Variants in TOX2 observed in about 807,000 individuals in gnomAD.
TOX2 encodes the protein granulosa cell HMG box 1.
Under a neutral mutation model 47.4 loss-of-function variants are expected in TOX2, and 15 were observed. The observed-to-expected ratio is 0.32, with a 90% CI of 0.21 to 0.49. The LOEUF is 0.49. TOX2 is among the 20% of genes least tolerant of loss of function. The pLI is 0.99. For synonymous variants in TOX2, 290 were observed against 296.6 expected, an observed-to-expected ratio of 0.98 and a Z score of 0.23; for missense variants, 622 against 673.1, an observed-to-expected ratio of 0.92 and a Z score of 0.84.
intron 3 of TOX2, 47 bp downstream of exon 3, chr20:44,006,839 G>A: frequency 6.3e-7 from 1 of 1,587,292 alleles, no homozygotes; most frequent in Non-Finnish European, 8.6e-7. Context: ...ACAGCAGGGA[G>A]GGGGTTGAGA....
intron 1 of TOX2, among the ~76,000 whole-genome samples, chr20:43,937,236 C>T (rs2069338008): frequency 6.6e-6 from 1 of 152,150 alleles, no homozygotes; most frequent in South Asian, 2.1e-4. Context: ...CACTTGACCA[C>T]TCCAAGAAAG....
intron 1 of TOX2, among the ~76,000 whole-genome samples, chr20:43,932,322 G>C (rs890391658): frequency 6.6e-6 from 1 of 152,134 alleles, no homozygotes; most frequent in African/African-American, 2.4e-5. Flanking sequence ...TTAGGGTCTA[G>C]CATGTGGACC....
At chr20:43,929,330 C>T (rs1003288213) in intron 1 of TOX2, among the ~76,000 whole-genome samples, 3 of 152,214 alleles carry the variant, frequency 2.0e-5, no homozygotes, top group African/African-American at 7.2e-5. Context: ...ACATCCAACT[C>T]CTTTGGCCCA....
chr20:44,064,216 A>G (rs1248598522), intron 5 of TOX2, among the ~76,000 whole-genome samples: 3 of 152,304 alleles, frequency 2.0e-5, no homozygotes, highest in Admixed American at 2.0e-4. Context: ...TGCTTGTCTT[A>G]TTGGCCAACA....
rs59829203 is a variant in TOX2 at position 43,951,707 on chromosome 20, GTTTT to G, written c.100-21642_100-21639del. Among the ~76,000 whole-genome samples, 16 of 55,094 alleles carry G rather than the reference GTTTT, an allele frequency of 2.9e-4. 1 individual carries two copies. The highest frequency in any genetic ancestry group is 1.6e-3 in the East Asian group (3 of 1,890). The allele number at this position is 55,094 out of a possible 152,430, so 36.1% of individuals were successfully genotyped here. The stretch of plus-strand genomic sequence containing the variant: ...TGACCATTACTATTAAACTTATTAT[GTTTT>G]TTTTTTTTTTTTTTTTTAGAGAAAG... On this transcript the variant is annotated intron_variant, in intron 1 of 8. Transcript: ENST00000341197.
At chr20:43,947,002 G>C (rs1180901693) in intron 1 of TOX2, among the ~76,000 whole-genome samples, 1 of 152,218 alleles carries the variant, frequency 6.6e-6, no homozygotes, top group Non-Finnish European at 1.5e-5. Flanking sequence ...GGGTGAACTG[G>C]GAGAGACCAG....
At chr20:43,989,894 G>T (rs759305736) in intron 2 of TOX2, among the ~76,000 whole-genome samples, 2 of 152,158 alleles carry the variant, frequency 1.3e-5, no homozygotes, top group Non-Finnish European at 2.9e-5. Context: ...CTTGGAGGCT[G>T]TGCTCAATGT....
At chr20:43,989,701 A>G (rs1214698971) in intron 2 of TOX2, among the ~76,000 whole-genome samples, 2 of 151,644 alleles carry the variant, frequency 1.3e-5, no homozygotes, top group Admixed American at 6.6e-5. Flanking sequence ...AATCACTTGA[A>G]TCCGGGAGGT....
At chr20:44,039,308 G>A (rs1305584948) in intron 3 of TOX2, 2 of 1,289,010 alleles carry the variant, frequency 1.6e-6, no homozygotes, top group Admixed American at 2.3e-5. Context: ...GGAGCTCTGG[G>A]AAGGGGCTGG....
chr20:43,975,784 A>T (rs979005622), intron 2 of TOX2, among the ~76,000 whole-genome samples: 3 of 151,904 alleles, frequency 2.0e-5, no homozygotes, highest in African/African-American at 7.3e-5. Flanking sequence ...TCCACCCTAA[A>T]CTGTGACCAC....
chr20:44,037,890 CA>C (rs1195050684), intron 3 of TOX2, among the ~76,000 whole-genome samples: 3 of 152,046 alleles, frequency 2.0e-5, no homozygotes, highest in African/African-American at 7.2e-5. Flanking sequence ...GGGTAACAGG[CA>C]GAGGTTGGAA....
chr20:44,066,838 T>C lies in TOX2; in HGVS notation c.1465T>C (p.Cys489Arg), dbSNP rs775401631. 103 of 1,613,812 alleles carry C rather than the reference T, an allele frequency of 6.4e-5. No individual in the cohort carries two copies. In the Admixed American group the frequency reaches 8.2e-4, roughly 13 times the overall value. Residue 489 changes from cysteine (C) to arginine (R), a missense_variant, in exon 8 of 9, where the codon TGT (cysteine) becomes CGT (arginine). By Grantham distance (180) the Cys-to-Arg change is radical. Coordinates refer to ENST00000341197, the MANE Select transcript of TOX2 (RefSeq NM_001098797.2). ...DWDSSYPSGE[C>R]GISTCSLLPR... ...GGACAGCAGCTACCCCAGTGGGGAGTGTGGCATCAGCACCTGCAGGTTAGT... is the reference window on the plus strand; with the variant it reads ...GGACAGCAGCTACCCCAGTGGGGAGCGTGGCATCAGCACCTGCAGGTTAGT...
intron 2 of TOX2, among the ~76,000 whole-genome samples, chr20:43,996,547 T>C (rs914406543): frequency 2.0e-5 from 3 of 152,190 alleles, no homozygotes; most frequent in African/African-American, 7.2e-5. Flanking sequence ...CATATGACTT[T>C]GGATAAGTCA....
At chr20:43,937,836 G>T (rs539281720) in intron 1 of TOX2, among the ~76,000 whole-genome samples, 65 of 152,294 alleles carry the variant, frequency 4.3e-4, no homozygotes, top group African/African-American at 1.3e-3. Context: ...ATCAGGGGCT[G>T]TGGTTTTGGA....
chr20:43,915,128 C>A lies in TOX2; in HGVS notation c.99+138C>A. 5.0e-6 allele frequency: 2 copies of A among 398,862 alleles called. No individual in the cohort carries two copies. Among genetic ancestry groups the A allele is most frequent in the Non-Finnish European group, 7.3e-6 (2 of 273,028 alleles). The allele number at this position is 398,862 out of a possible 1,614,324, so 24.7% of individuals were successfully genotyped here. A position where few individuals can be genotyped will look rare whatever the true frequency, so the allele number is the denominator to read the frequency against. ...GGCACGGGCGGCTCACATCGATCCC[C>A]TCGCGGCCACGCTCACGCCCTGAGT... On this transcript the variant is annotated intron_variant, in intron 1 of 8. Coordinates refer to ENST00000341197, the MANE Select transcript of TOX2 (RefSeq NM_001098797.2). The surrounding 1 kb of genome is among the most constrained non-coding windows in gnomAD (Gnocchi z 7.1).
At chr20:43,943,035 A>G (rs2069421111) in intron 1 of TOX2, among the ~76,000 whole-genome samples, 1 of 152,184 alleles carries the variant, frequency 6.6e-6, no homozygotes, top group Non-Finnish European at 1.5e-5. Context: ...TGCAACGGCA[A>G]GAGCACTGCA....
Position 43,927,458 on chromosome 20 carries a change from AACACACACACACACACACACAC to A in TOX2, c.99+12500_99+12521del, listed in dbSNP as rs34410581. On this transcript the variant is annotated intron_variant, in intron 1 of 8. Coordinates refer to ENST00000341197, the MANE Select transcript of TOX2 (RefSeq NM_001098797.2). ...GTGTACATTTTCTGATGATCTATATAACACACACACACACACACACACACACACACACACACACACACACACA... is the reference window on the plus strand; with the variant it reads ...GTGTACATTTTCTGATGATCTATATAACACACACACACACACACACACACA... Among the ~76,000 whole-genome samples the A allele has an allele frequency of 1.0e-3, 137 of 131,464 alleles. 3 individuals are homozygous for A. The highest frequency in any genetic ancestry group is 2.8e-3 in the African/African-American group (101 of 35,722). 86.2% of individuals were successfully genotyped at this position (131,464 alleles called of 152,430 possible).
At chr20:43,989,177 A>G (rs2070324670) in intron 2 of TOX2, among the ~76,000 whole-genome samples, 1 of 152,142 alleles carries the variant, frequency 6.6e-6, no homozygotes, top group Non-Finnish European at 1.5e-5. Context: ...ACAGATCCCT[A>G]CTTGATTTGT....
intron 1 of TOX2, among the ~76,000 whole-genome samples, chr20:43,970,452 A>G (rs2069945008): frequency 6.6e-6 from 1 of 152,184 alleles, no homozygotes; most frequent in African/African-American, 2.4e-5. Context: ...GCATTTAATA[A>G]ATGGTGACCA....
Sources: gnomAD v4.1 joint callset for allele counts (sites outside exome capture counted in the v4.1 genomes callset) on GRCh38, gnomAD v4.1.1 for gene constraint, Gnocchi (gnomAD v3.1) non-coding constraint, MANE v1.5 for transcripts, NCBI Gene and HGNC (gene_info 2026-07-23, HGNC 2026-07-21) for gene names.